CHST11: variants seen among roughly 807,000 people sequenced by gnomAD.
The protein encoded by CHST11 is C4S-1.
A neutral mutation model predicts 30.4 loss-of-function variants in CHST11; 9 were observed. The observed-to-expected ratio is 0.30, with a 90% CI of 0.18 to 0.52. The LOEUF (loss-of-function observed/expected upper bound fraction) is 0.52, where lower values mean the gene tolerates loss of function less well. Among genes scored for constraint, CHST11 ranks in the 20% least tolerant of loss-of-function variants. CHST11 has a pLI of 0.97. For synonymous variants in CHST11, 152 were observed against 187.8 expected (o/e 0.81, Z 1.56); for missense variants, 348 against 460.6 (o/e 0.76, Z 2.24).
intron 2 of CHST11, among the ~76,000 whole-genome samples, chr12:104,654,050 G>C (rs1259206614): frequency 6.6e-6 from 1 of 152,194 alleles, no homozygotes; most frequent in African/African-American, 2.4e-5. Context: ...AACCCTGTAT[G>C]GGTGTCAGGC....
At chr12:104,475,781 A>G (rs994025255) in intron 1 of CHST11, among the ~76,000 whole-genome samples, 2 of 142,278 alleles carry the variant, frequency 1.4e-5, no homozygotes, top group Admixed American at 1.5e-4. Flanking sequence ...TCCCTGCCAT[A>G]TATATGCATA....
intron 2 of CHST11, among the ~76,000 whole-genome samples, chr12:104,752,122 G>A (rs753289871): frequency 6.6e-6 from 1 of 152,190 alleles, no homozygotes; most frequent in Non-Finnish European, 1.5e-5. Context: ...TGTTGGCAGG[G>A]CATGCTCTCT....
chr12:104,644,389 G>C (rs970860872), intron 2 of CHST11, among the ~76,000 whole-genome samples: 2 of 152,194 alleles, frequency 1.3e-5, no homozygotes, highest in Admixed American at 6.5e-5. Flanking sequence ...GTTTCTCCTT[G>C]GTTCCAGCCC....
chr12:104,474,485 C>A (rs2037539122), intron 1 of CHST11, among the ~76,000 whole-genome samples: 1 of 152,168 alleles, frequency 6.6e-6, no homozygotes, highest in African/African-American at 2.4e-5. Context: ...GCAGAGAATT[C>A]TTTCAAGGCT....
chr12:104,611,674 G>A (rs890907022), intron 2 of CHST11, among the ~76,000 whole-genome samples: 1 of 152,170 alleles, frequency 6.6e-6, no homozygotes, highest in Non-Finnish European at 1.5e-5. Flanking sequence ...GGCCATCAGG[G>A]TGGACGGTTT....
chr12:104,655,700 A>G (rs1485649913), intron 2 of CHST11, among the ~76,000 whole-genome samples: 2 of 152,208 alleles, frequency 1.3e-5, no homozygotes, highest in Non-Finnish European at 2.9e-5. Flanking sequence ...GTGGAAATGT[A>G]ATCATTTTGA....
chr12:104,514,309 T>C lies in CHST11; in HGVS notation c.118+56780T>C, dbSNP rs986697709. ...ATTGGAGCGGTGTTTGGCAGCCTGA[T>C]CATTGGCTGTGCCAGAAACCTGTCT... On this transcript the variant is annotated intron_variant, in intron 1 of 2. Transcript: ENST00000303694. 31 of 916,980 alleles carry C rather than the reference T, an allele frequency of 3.4e-5. No individual in the cohort carries two copies. In the Admixed American group the frequency reaches 5.1e-4, roughly 15 times the overall value. 56.8% of individuals were successfully genotyped at this position (916,980 alleles called of 1,614,324 possible).
At chr12:104,470,884 G>A (rs1462593174) in intron 1 of CHST11, among the ~76,000 whole-genome samples, 2 of 152,136 alleles carry the variant, frequency 1.3e-5, no homozygotes, top group East Asian at 1.9e-4. Context: ...AGATAATTAG[G>A]TCAAGAAGTA....
At chr12:104,705,132 A>C (rs2040021493) in intron 2 of CHST11, among the ~76,000 whole-genome samples, 1 of 152,032 alleles carries the variant, frequency 6.6e-6, no homozygotes, top group Non-Finnish European at 1.5e-5. Context: ...CTTTAGGCAA[A>C]ATGTGGAGAA....
chr12:104,733,520 T>C (rs1333663503), intron 2 of CHST11, among the ~76,000 whole-genome samples: 3 of 152,346 alleles, frequency 2.0e-5, no homozygotes, highest in African/African-American at 7.2e-5. Context: ...GCCAACACTT[T>C]GACACACACT....
chr12:104,466,101 C>A (rs574340536), intron 1 of CHST11, among the ~76,000 whole-genome samples: 13 of 152,168 alleles, frequency 8.5e-5, no homozygotes, highest in Non-Finnish European at 1.6e-4. Context: ...CTCAGGTGAT[C>A]TGCCCGCCAC....
rs1260148248 is a variant in CHST11 at position 104,591,842 on chromosome 12, T to A, written c.119-10064T>A. The A allele has an allele frequency of 8.4e-5, 13 of 154,172 alleles. No individual in the cohort carries two copies. The Admixed American group carries it at 8.5e-4, about 10-fold the overall frequency. The allele number at this position is 154,172 out of a possible 1,614,324, so 9.6% of individuals were successfully genotyped here. ...ATAGAAAATGTTAGTTTGTCACACA[T>A]AGTAAGGATAGTACTTTTAAAATAA... On this transcript the variant is annotated intron_variant, in intron 1 of 2. Coordinates refer to ENST00000303694, the MANE Select transcript of CHST11 (RefSeq NM_018413.6).
intron 2 of CHST11, among the ~76,000 whole-genome samples, chr12:104,675,622 C>T (rs538950749): frequency 2.6e-5 from 4 of 152,296 alleles, no homozygotes; most frequent in Non-Finnish European, 4.4e-5. Context: ...TTATTCAATC[C>T]AGGGGTTGAA....
intron 2 of CHST11, among the ~76,000 whole-genome samples, chr12:104,733,877 G>C (rs1566058442): frequency 6.6e-6 from 1 of 152,350 alleles, no homozygotes; most frequent in East Asian, 1.9e-4. Context: ...TGGTTTCTTT[G>C]AAAAGCCAGC....
At chr12:104,728,078 G>A (rs1216986475) in intron 2 of CHST11, among the ~76,000 whole-genome samples, 1 of 152,074 alleles carries the variant, frequency 6.6e-6, no homozygotes, top group Non-Finnish European at 1.5e-5. Context: ...AGCAATAATA[G>A]TAATAATAAT....
intron 2 of CHST11, among the ~76,000 whole-genome samples, chr12:104,638,654 T>G (rs1019924032): frequency 2.6e-5 from 4 of 152,196 alleles, no homozygotes; most frequent in Admixed American, 2.0e-4. Flanking sequence ...TCTTTAAGCC[T>G]GCTAACTTTG....
intron 1 of CHST11, among the ~76,000 whole-genome samples, chr12:104,524,057 T>G (rs1286142526): frequency 2.9e-5 from 3 of 104,296 alleles, no homozygotes; most frequent in Non-Finnish European, 6.3e-5. Flanking sequence ...TTTTTTTTTT[T>G]GCCTCTCAAT....
chr12:104,524,328 G>T (rs1290586307), intron 1 of CHST11, among the ~76,000 whole-genome samples: 1 of 152,150 alleles, frequency 6.6e-6, no homozygotes, highest in African/African-American at 2.4e-5. Context: ...TTGGGAAGGC[G>T]ATAGTTCAGT....
At chr12:104,549,323 G>T (rs2038383078) in intron 1 of CHST11, among the ~76,000 whole-genome samples, 1 of 152,174 alleles carries the variant, frequency 6.6e-6, no homozygotes, top group South Asian at 2.1e-4. Flanking sequence ...ACAGTGGAGA[G>T]TCTGGAGTTA....
Sources: gnomAD v4.1 joint callset for allele counts (sites outside exome capture counted in the v4.1 genomes callset) on GRCh38, gnomAD v4.1.1 for gene constraint, MANE v1.5 for transcripts, NCBI Gene and HGNC (gene_info 2026-07-23, HGNC 2026-07-21) for gene names.